Variants in TCF7L2 observed in about 807,000 individuals in gnomAD.
TCF7L2 encodes transcription factor 7-like 2.
TCF7L2 carries 23 observed loss-of-function variants against 77.9 expected under a neutral mutation model. The ratio of observed to expected loss-of-function variants is 0.30; its 90% confidence interval spans 0.21 to 0.42. The LOEUF is 0.42. Among genes scored for constraint, TCF7L2 ranks in the 10% least tolerant of loss-of-function variants. TCF7L2 has a pLI of 1.00. For missense variants in TCF7L2, 654 were observed against 793.1 expected (o/e 0.82, Z 2.11); for synonymous variants, 413 against 340.2 (o/e 1.21, Z -2.36).
chr10:113,042,307 C>T (rs1003457128), intron 5 of TCF7L2, among the ~76,000 whole-genome samples: 2 of 152,040 alleles, frequency 1.3e-5, no homozygotes, highest in Non-Finnish European at 2.9e-5. Flanking sequence ...GCATACACAC[C>T]CTCTTGTAGA....
chr10:112,984,390 C>G (rs2041091657), intron 4 of TCF7L2, among the ~76,000 whole-genome samples: 1 of 152,118 alleles, frequency 6.6e-6, no homozygotes, highest in Admixed American at 6.5e-5. Flanking sequence ...TTCCTCCCCT[C>G]CTTTACTCTA....
At position 112,950,659 on chromosome 10, in the gene TCF7L2, A is replaced by G; in HGVS notation, c.-98A>G. 7.1e-7 allele frequency: 1 copy of G among 1,415,606 alleles called. No homozygotes were observed. Among genetic ancestry groups the G allele is most frequent in the Non-Finnish European group, 9.4e-7 (1 of 1,063,092 alleles). The allele number at this position is 1,415,606 out of a possible 1,614,324, so 87.7% of individuals were successfully genotyped here. On this transcript the variant is annotated 5_prime_UTR_variant, in exon 1 of 14. In the 5' UTR this introduces an upstream ATG that the reference lacks. Transcript: ENST00000627217. ...CTTGGACTCGTCTTTTTCTTGCAAT[A>G]TTTTTTGGGGGGGCAAAACTTTTTG...
Position 112,950,789 on chromosome 10 carries a change from C to T in TCF7L2, c.33C>T (p.Asp11=), listed in dbSNP as rs759111159. Residue 11 remains aspartate (D), a synonymous_variant, in exon 1 of 14, where the codon GAC becomes GAT. Transcript: ENST00000627217. ...AGCTGAACGGCGGTGGAGGGGATGA[C>T]CTAGGCGCCAACGACGAACTGATTT... is the stretch of plus-strand genomic sequence containing the variant. The T allele has an allele frequency of 1.3e-6, 2 of 1,585,586 alleles. No individual in the cohort carries two copies. Among genetic ancestry groups the T allele is most frequent in the South Asian group, 1.1e-5 (1 of 87,796 alleles).
intron 4 of TCF7L2, among the ~76,000 whole-genome samples, chr10:113,032,413 C>T (rs527940498): frequency 6.6e-6 from 1 of 152,324 alleles, no homozygotes; most frequent in Admixed American, 6.5e-5. Flanking sequence ...TTGTCTTCAT[C>T]ACACCAGGGG....
intron 5 of TCF7L2, among the ~76,000 whole-genome samples, chr10:113,082,694 T>G (rs1170835337): frequency 2.0e-5 from 3 of 152,058 alleles, no homozygotes; most frequent in Non-Finnish European, 4.4e-5. Context: ...CCTCTTATTA[T>G]ATAATGGCCA....
intron 5 of TCF7L2, among the ~76,000 whole-genome samples, chr10:113,043,423 C>A (rs1002853012): frequency 2.0e-5 from 3 of 152,202 alleles, no homozygotes; most frequent in Non-Finnish European, 4.4e-5. Context: ...ATTTTAGTTC[C>A]TGTAGCTGAT....
At chr10:113,064,026 G>C (rs2056900388) in intron 5 of TCF7L2, among the ~76,000 whole-genome samples, 1 of 152,056 alleles carries the variant, frequency 6.6e-6, no homozygotes, top group Non-Finnish European at 1.5e-5. Flanking sequence ...GAACTCCTGC[G>C]AGGAAGGGGA....
chr10:112,975,792 T>C (rs566170235), intron 4 of TCF7L2, among the ~76,000 whole-genome samples: 18 of 152,294 alleles, frequency 1.2e-4, no homozygotes, highest in Admixed American at 8.5e-4. Context: ...TGTAGGGTGT[T>C]TATTTAGCAC....
intron 5 of TCF7L2, among the ~76,000 whole-genome samples, chr10:113,091,417 C>A (rs895868101): frequency 1.3e-5 from 2 of 152,116 alleles, no homozygotes; most frequent in African/African-American, 4.8e-5. Context: ...CCACCTATTC[C>A]CTGTTAGCCA....
intron 4 of TCF7L2, among the ~76,000 whole-genome samples, chr10:113,014,136 AG>A (rs1228384603): frequency 6.6e-6 from 1 of 152,238 alleles, no homozygotes; most frequent in Non-Finnish European, 1.5e-5. Context: ...CTTATTAAGA[AG>A]GGTGGTTAGA....
At chr10:113,149,277 GGTT>G (rs949217338) in intron 8 of TCF7L2, among the ~76,000 whole-genome samples, 3 of 152,188 alleles carry the variant, frequency 2.0e-5, no homozygotes, top group African/African-American at 7.2e-5. Flanking sequence ...TGAAGATGAA[GGTT>G]GTTAGCATGT....
intron 4 of TCF7L2, chr10:112,987,986 A>AT (rs908055383): frequency 1.4e-5 from 2 of 146,986 alleles, no homozygotes; most frequent in Non-Finnish European, 1.5e-5. Context: ...TAATGTACCC[A>AT]TTGCCATACC....
chr10:113,164,820 C>G (rs901331078), intron 13 of TCF7L2, among the ~76,000 whole-genome samples: 1 of 150,490 alleles, frequency 6.6e-6, no homozygotes, highest in Non-Finnish European at 1.5e-5. Context: ...TTTTTGTTTC[C>G]CTTCCTCCCT....
chr10:113,088,082 G>A (rs1352510245), intron 5 of TCF7L2, among the ~76,000 whole-genome samples: 1 of 152,056 alleles, frequency 6.6e-6, no homozygotes, highest in South Asian at 2.1e-4. Context: ...AATCGTTCAT[G>A]GAGTTTTTCT....
At chr10:113,056,895 T>C (rs987181899) in intron 5 of TCF7L2, among the ~76,000 whole-genome samples, 4 of 152,194 alleles carry the variant, frequency 2.6e-5, no homozygotes, top group African/African-American at 9.7e-5. Flanking sequence ...AGTTCCTGCC[T>C]TGGGCCTCTA....
At chr10:112,983,691 G>A (rs917084690) in intron 4 of TCF7L2, among the ~76,000 whole-genome samples, 3 of 152,146 alleles carry the variant, frequency 2.0e-5, no homozygotes, top group African/African-American at 7.2e-5. Flanking sequence ...GTGTTAGTTG[G>A]TTACTAGGGA....
At chr10:112,986,232 A>C (rs1272380113) in intron 4 of TCF7L2, among the ~76,000 whole-genome samples, 1 of 151,906 alleles carries the variant, frequency 6.6e-6, no homozygotes, top group Non-Finnish European at 1.5e-5. Context: ...TTGAGCTTGC[A>C]TGGGGGGAGT....
chr10:112,965,039 G>A (rs994834746), intron 4 of TCF7L2, among the ~76,000 whole-genome samples: 1 of 152,104 alleles, frequency 6.6e-6, no homozygotes, highest in Non-Finnish European at 1.5e-5. Context: ...CAATGTGAAT[G>A]GGAAGGCTTA....
At chr10:112,966,195 T>C (rs2036823517) in intron 4 of TCF7L2, among the ~76,000 whole-genome samples, 1 of 137,900 alleles carries the variant, frequency 7.3e-6, no homozygotes, top group African/African-American at 3.0e-5. Context: ...TATATATATA[T>C]ATATATATAT....
Sources: gnomAD v4.1 joint callset for allele counts (sites outside exome capture counted in the v4.1 genomes callset) on GRCh38, gnomAD v4.1.1 for gene constraint, MANE v1.5 for transcripts, NCBI Gene and HGNC (gene_info 2026-07-23, HGNC 2026-07-21) for gene names.